The following DKK2 variants were observed in gnomAD, a reference collection of about 807,000 sequenced individuals.
The protein encoded by DKK2 is dickkopf-related protein 2.
A neutral mutation model predicts 28.1 loss-of-function variants in DKK2; 11 were observed. The observed-to-expected ratio is 0.39, with a 90% confidence interval of 0.25 to 0.65. DKK2 has a LOEUF of 0.65. Among genes scored for constraint, DKK2 ranks in the 30% least tolerant of loss-of-function variants. DKK2 has a pLI of 0.47. For synonymous variants in DKK2, 135 were observed against 126.5 expected, an observed-to-expected ratio of 1.07 and a Z score of -0.45; for missense variants, 326 against 335.5, an observed-to-expected ratio of 0.97 and a Z score of 0.22.
chr4:106,974,537 C>T (rs1722913989), intron 1 of DKK2, among the ~76,000 whole-genome samples: 1 of 152,088 alleles, frequency 6.6e-6, no homozygotes, highest in Non-Finnish European at 1.5e-5. Context: ...ATTTGGCTCT[C>T]TATTTGTTTG....
At chr4:106,950,040 C>T (rs1423573964) in intron 1 of DKK2, among the ~76,000 whole-genome samples, 1 of 152,150 alleles carries the variant, frequency 6.6e-6, no homozygotes, top group Non-Finnish European at 1.5e-5. Context: ...TAAAACATGT[C>T]TTGCATTGTA....
At chr4:106,965,006 TTG>T (rs1560581675) in intron 1 of DKK2, among the ~76,000 whole-genome samples, 125 of 125,274 alleles carry the variant, frequency 1.0e-3, no homozygotes, top group African/African-American at 2.6e-3. Flanking sequence ...GATAGATAGA[TTG>T]ATTGATTCTG....
At chr4:106,954,192 C>A (rs1027917780) in intron 1 of DKK2, among the ~76,000 whole-genome samples, 6 of 152,134 alleles carry the variant, frequency 3.9e-5, no homozygotes, top group African/African-American at 1.2e-4. Flanking sequence ...GCCAGTGTCA[C>A]CACTGTGCCC....
At chr4:106,972,514 C>T (rs2110354735) in intron 1 of DKK2, among the ~76,000 whole-genome samples, 1 of 151,754 alleles carries the variant, frequency 6.6e-6, no homozygotes, top group Admixed American at 6.6e-5. Flanking sequence ...TCTTTCAGAG[C>T]TTGTTTTATT....
chr4:106,989,644 T>C (rs1723176443), intron 1 of DKK2, among the ~76,000 whole-genome samples: 1 of 152,238 alleles, frequency 6.6e-6, no homozygotes, highest in African/African-American at 2.4e-5. Context: ...CTACTGACTA[T>C]ATTCCAAAGG....
chr4:107,024,404 A>G (rs988245305), intron 1 of DKK2, among the ~76,000 whole-genome samples: 13 of 152,202 alleles, frequency 8.5e-5, no homozygotes, highest in African/African-American at 3.1e-4. Flanking sequence ...AAGTATGACT[A>G]CTGATACTAA....
At chr4:106,977,652 GT>G (rs547364531) in intron 1 of DKK2, among the ~76,000 whole-genome samples, 6 of 152,096 alleles carry the variant, frequency 3.9e-5, no homozygotes, top group Admixed American at 3.9e-4. Flanking sequence ...CTTTTTTCAA[GT>G]TCTTAGCTTC....
chr4:106,964,739 A>G (rs1336855389), intron 1 of DKK2, among the ~76,000 whole-genome samples: 1 of 152,140 alleles, frequency 6.6e-6, no homozygotes, highest in Non-Finnish European at 1.5e-5. Flanking sequence ...GATGGGACTC[A>G]TCTAATCAGT....
chr4:106,988,595 C>T (rs1189061708), intron 1 of DKK2, among the ~76,000 whole-genome samples: 4 of 152,140 alleles, frequency 2.6e-5, no homozygotes, highest in African/African-American at 9.6e-5. Flanking sequence ...CAGGGTCTAC[C>T]TGTATTTAAA....
At chr4:106,964,026 G>A (rs1350423677) in intron 1 of DKK2, among the ~76,000 whole-genome samples, 3 of 151,996 alleles carry the variant, frequency 2.0e-5, no homozygotes, top group African/African-American at 7.2e-5. Flanking sequence ...ATTTTTCTAT[G>A]TGTCTGTTTT....
intron 1 of DKK2, among the ~76,000 whole-genome samples, chr4:106,955,851 G>A (rs1234027669): frequency 6.6e-6 from 1 of 152,112 alleles, no homozygotes; most frequent in Non-Finnish European, 1.5e-5. Flanking sequence ...TTACCCTTCT[G>A]TCAAGTCCTC....
At chr4:107,019,806 A>T (rs968566744) in intron 1 of DKK2, among the ~76,000 whole-genome samples, 4 of 151,998 alleles carry the variant, frequency 2.6e-5, no homozygotes, top group Admixed American at 6.6e-5. Context: ...ATTAAATATC[A>T]CTATAATGTT....
chr4:107,015,049 T>C (rs559502876), intron 1 of DKK2, among the ~76,000 whole-genome samples: 3 of 151,702 alleles, frequency 2.0e-5, no homozygotes, highest in East Asian at 3.9e-4. Flanking sequence ...TTTAAACATA[T>C]CTTCTCGTGC....
At chr4:106,932,847 C>T (rs529101878) in intron 1 of DKK2, among the ~76,000 whole-genome samples, 1 of 152,190 alleles carries the variant, frequency 6.6e-6, no homozygotes, top group Admixed American at 6.5e-5. Flanking sequence ...ATGTCATGAC[C>T]TAATTTTACT....
At chr4:106,939,152 G>C (rs1724649606) in intron 1 of DKK2, among the ~76,000 whole-genome samples, 1 of 152,154 alleles carries the variant, frequency 6.6e-6, no homozygotes, top group African/African-American at 2.4e-5. Flanking sequence ...CATTCAATTA[G>C]GAAAAGAGGA....
intron 1 of DKK2, among the ~76,000 whole-genome samples, chr4:107,021,348 A>T (rs1723688818): frequency 6.6e-6 from 1 of 152,078 alleles, no homozygotes; most frequent in Admixed American, 6.6e-5. Flanking sequence ...ACAAACATGT[A>T]AACTACTTCT....
intron 1 of DKK2, among the ~76,000 whole-genome samples, chr4:106,979,475 G>A (rs930628532): frequency 3.3e-4 from 49 of 148,306 alleles, no homozygotes; most frequent in African/African-American, 1.1e-3. Context: ...CAGGAAGAGT[G>A]TAGGAAGCAT....
At chr4:107,028,569 A>G (rs1011663124) in intron 1 of DKK2, among the ~76,000 whole-genome samples, 3 of 152,190 alleles carry the variant, frequency 2.0e-5, no homozygotes, top group Non-Finnish European at 4.4e-5. Context: ...ACTAAAAAAA[A>G]GAAAAGACTA....
chr4:106,928,568 C>A (rs1172947615), intron 1 of DKK2, among the ~76,000 whole-genome samples: 1 of 151,996 alleles, frequency 6.6e-6, no homozygotes, highest in Non-Finnish European at 1.5e-5. Context: ...TGAATACAAT[C>A]AAGAAGGGAT....
Sources: gnomAD v4.1 joint callset for allele counts (sites outside exome capture counted in the v4.1 genomes callset) on GRCh38, gnomAD v4.1.1 for gene constraint, MANE v1.5 for transcripts, NCBI Gene and HGNC (gene_info 2026-07-23, HGNC 2026-07-21) for gene names.